PIP5K1C: variants seen among roughly 807,000 people sequenced by gnomAD.
PIP5K1C encodes phosphatidylinositol-4-phosphate 5-kinase type 1 gamma.
Under a neutral mutation model 80.1 loss-of-function variants are expected in PIP5K1C, and 45 were observed. The ratio of observed to expected loss-of-function variants is 0.56; its 90% CI spans 0.44 to 0.72. The LOEUF (loss-of-function observed/expected upper bound fraction) is 0.72, where lower values mean the gene tolerates loss of function less well. Among genes scored for constraint, PIP5K1C ranks in the 30% least tolerant of loss-of-function variants. The pLI is 0.00. For missense variants in PIP5K1C, 753 were observed against 954.6 expected, an observed-to-expected ratio of 0.79 and a Z score of 2.78; for synonymous variants, 498 against 420.1, an observed-to-expected ratio of 1.19 and a Z score of -2.27.
At chr19:3,684,051 G>C (rs1338670340) in intron 1 of PIP5K1C, among the ~76,000 whole-genome samples, 1 of 150,544 alleles carries the variant, frequency 6.6e-6, no homozygotes, top group African/African-American at 2.4e-5. Flanking sequence ...CCCCAGCACA[G>C]GAGAGGCAGA....
chr19:3,636,772 A>G (rs10422833), intron 16 of PIP5K1C: 792,218 of 986,052 alleles, frequency 0.8, 319,041 homozygotes, highest in African/African-American at 0.92. Flanking sequence ...GCCTCGGCGG[A>G]GGCTTTGTCT....
chr19:3,667,080 C>A (rs534000479), intron 2 of PIP5K1C, among the ~76,000 whole-genome samples: 2 of 152,230 alleles, frequency 1.3e-5, no homozygotes, highest in African/African-American at 4.8e-5. Flanking sequence ...ACCAGGCACC[C>A]CTGCCACTGA....
At chr19:3,690,184 G>A (rs2035904061) in intron 1 of PIP5K1C, among the ~76,000 whole-genome samples, 1 of 151,918 alleles carries the variant, frequency 6.6e-6, no homozygotes, top group Non-Finnish European at 1.5e-5. Flanking sequence ...TAAAGGCAGA[G>A]GAGTGGAGCA....
chr19:3,697,532 C>T (rs936806094), intron 1 of PIP5K1C, among the ~76,000 whole-genome samples: 1 of 152,088 alleles, frequency 6.6e-6, no homozygotes, highest in Non-Finnish European at 1.5e-5. Context: ...CCGGGAGGAC[C>T]AAGCTGGACC....
At chr19:3,694,392 C>A (rs568620304) in intron 1 of PIP5K1C, among the ~76,000 whole-genome samples, 1 of 152,252 alleles carries the variant, frequency 6.6e-6, no homozygotes, top group East Asian at 1.9e-4. Flanking sequence ...TCGGCACACA[C>A]CTGCCACAGT....
Position 3,637,535 on chromosome 19 carries a change from C to G in PIP5K1C, c.1920+1349G>C, listed in dbSNP as rs369552936. On this transcript the variant is annotated intron_variant, in intron 16 of 17. Coordinates refer to ENST00000335312, the MANE Select transcript of PIP5K1C (RefSeq NM_012398.3). This position sits in a 1 kb window ranked among gnomAD's most constrained non-coding sequence, Gnocchi z 7.0. Reference sequence around the variant, plus strand: ...CAGGGTGGCCGGCTGCGGTCACTTACAGTCCCCGAGGCGCTCAGCGTCACG... The same window carrying G: ...CAGGGTGGCCGGCTGCGGTCACTTAGAGTCCCCGAGGCGCTCAGCGTCACG... 4.6e-6 allele frequency: 7 copies of G among 1,535,380 alleles called. No homozygotes were observed. Among genetic ancestry groups the G allele is most frequent in the South Asian group, 3.6e-5 (3 of 84,034 alleles).
chr19:3,697,830 T>C (rs2036172921), intron 1 of PIP5K1C, among the ~76,000 whole-genome samples: 1 of 152,054 alleles, frequency 6.6e-6, no homozygotes, highest in Non-Finnish European at 1.5e-5. Flanking sequence ...GCCCACACAG[T>C]GGGCACAGCC....
At chr19:3,655,747 GGCTGT>G (rs1202207522) in intron 6 of PIP5K1C, among the ~76,000 whole-genome samples, 1 of 152,212 alleles carries the variant, frequency 6.6e-6, no homozygotes, top group South Asian at 2.1e-4. Context: ...CTGAGTCACA[GGCTGT>G]GCTGTGCTGC....
At chr19:3,645,843 G>T in intron 11 of PIP5K1C, 131 bp downstream of exon 11, 1 of 776,574 alleles carries the variant, frequency 1.3e-6, no homozygotes, top group Non-Finnish European at 2.4e-6. Context: ...CCGGTCTGAG[G>T]GGGGCACAGG....
intron 1 of PIP5K1C, among the ~76,000 whole-genome samples, chr19:3,685,649 G>C (rs958836634): frequency 8.6e-5 from 13 of 151,836 alleles, no homozygotes; most frequent in African/African-American, 2.9e-4. Flanking sequence ...AGAATGGCGT[G>C]AACCCGGGAG....
chr19:3,668,611 C>G (rs553390175), intron 1 of PIP5K1C, among the ~76,000 whole-genome samples: 19 of 152,296 alleles, frequency 1.2e-4, no homozygotes, highest in Admixed American at 5.2e-4. Flanking sequence ...GCCTCGGAGC[C>G]CTGAGGTGGG....
chr19:3,653,688 C>T, intron 6 of PIP5K1C, 99 bp from the exon 7 acceptor site: 1 of 1,137,810 alleles, frequency 8.8e-7, no homozygotes, highest in South Asian at 1.5e-5. Flanking sequence ...ATGGATGCCC[C>T]TGGCCAGCCC....
intron 5 of PIP5K1C, among the ~76,000 whole-genome samples, chr19:3,658,472 G>A (rs2034714393): frequency 6.6e-6 from 1 of 152,240 alleles, no homozygotes; most frequent in Non-Finnish European, 1.5e-5. Context: ...AGCCCACGCG[G>A]CTCCTCCGCC....
chr19:3,632,926 C>T lies in PIP5K1C; in HGVS notation c.*241G>A, dbSNP rs539260261. On this transcript the variant is annotated 3_prime_UTR_variant, in exon 18 of 18. Coordinates refer to ENST00000335312, the MANE Select transcript of PIP5K1C (RefSeq NM_012398.3). Reference sequence around the variant, plus strand: ...TCTGTGCCAAATAAGGACTCAAATGCGATTGGCCGCTCGGGAGGGTGGGTC... The same window carrying T: ...TCTGTGCCAAATAAGGACTCAAATGTGATTGGCCGCTCGGGAGGGTGGGTC... 7.2e-5 allele frequency: 38 copies of T among 527,430 alleles called. No individual in the cohort carries two copies. Among genetic ancestry groups the T allele is most frequent in the African/African-American group, 2.6e-4 (13 of 49,788 alleles). 32.7% of individuals were successfully genotyped at this position (527,430 alleles called of 1,614,324 possible).
At chr19:3,678,442 AGATGGAGGATGGAGG>A (rs1323246852) in intron 1 of PIP5K1C, among the ~76,000 whole-genome samples, 26 of 63,816 alleles carry the variant, frequency 4.1e-4, no homozygotes, top group African/African-American at 1.2e-3. Flanking sequence ...GAGGATGGAG[AGATGGAGGATGGAGG>A]GATGGAGGAT....
rs910809380 is a variant in PIP5K1C, at chr19:3,637,876, G to A, written c.1920+1008C>T. On this transcript the variant is annotated intron_variant, in intron 16 of 17. Coordinates refer to ENST00000335312, the MANE Select transcript of PIP5K1C (RefSeq NM_012398.3). This position sits in a 1 kb window ranked among gnomAD's most constrained non-coding sequence, Gnocchi z 7.0. ...GGCCCCCAGGCCCCCCGTACCATCC[G>A]GAGACCAGGACGCGCACAAACCAGT... The A allele has an allele frequency of 6.5e-5, 100 of 1,535,380 alleles. 1 individual carries two copies. The Admixed American group carries it at 8.6e-4, about 13-fold the overall frequency.
intron 11 of PIP5K1C, among the ~76,000 whole-genome samples, chr19:3,644,954 G>C (rs2034149668): frequency 1.3e-5 from 2 of 152,256 alleles, no homozygotes; most frequent in African/African-American, 4.8e-5. Context: ...AAACAGCCCT[G>C]GATGACGGAA....
intron 16 of PIP5K1C, among the ~76,000 whole-genome samples, chr19:3,634,684 C>G (rs2033600637): frequency 6.6e-6 from 1 of 152,250 alleles, no homozygotes; most frequent in Non-Finnish European, 1.5e-5. Flanking sequence ...GCAGGGGCCT[C>G]CCTTGTGCTC....
At chr19:3,677,616 G>C (rs2035401237) in intron 1 of PIP5K1C, among the ~76,000 whole-genome samples, 1 of 151,096 alleles carries the variant, frequency 6.6e-6, no homozygotes, top group Non-Finnish European at 1.5e-5. Flanking sequence ...AGTTCAAGAT[G>C]CTGAATCGTG....
Sources: gnomAD v4.1 joint callset for allele counts (sites outside exome capture counted in the v4.1 genomes callset) on GRCh38, gnomAD v4.1.1 for gene constraint, Gnocchi (gnomAD v3.1) non-coding constraint, MANE v1.5 for transcripts, NCBI Gene and HGNC (gene_info 2026-07-23, HGNC 2026-07-21) for gene names.